GARRE1: variants seen among roughly 807,000 people sequenced by gnomAD.
GARRE1 encodes granule associated Rac and RHOG effector protein 1.
Under a neutral mutation model 103.2 loss-of-function variants are expected in GARRE1, and 49 were observed. The observed-to-expected ratio is 0.47, with a 90% CI of 0.38 to 0.60. The LOEUF (loss-of-function observed/expected upper bound fraction) is 0.60. Ranked by LOEUF, GARRE1 falls within the 20% of genes least tolerant of loss-of-function variation. GARRE1 has a pLI of 0.00. For synonymous variants in GARRE1, 505 were observed against 532.8 expected (o/e 0.95, Z 0.72); for missense variants, 1,199 against 1,370.5 (o/e 0.87, Z 1.98).
At chr19:34,321,259 G>A (rs868466869) in intron 3 of GARRE1, among the ~76,000 whole-genome samples, 12 of 71,118 alleles carry the variant, frequency 1.7e-4, no homozygotes, top group African/African-American at 5.0e-4. Flanking sequence ...TGTATTTTTA[G>A]TAGAGACAGG....
In GARRE1 at chr19:34,354,693, T is replaced by A. The variant is rs907206549; in HGVS notation, c.*1738T>A. On this transcript the variant is annotated 3_prime_UTR_variant, in exon 14 of 14. Coordinates refer to ENST00000299505, the MANE Select transcript of GARRE1 (RefSeq NM_014686.5). ...TCTCAACAAGAAAAAAAAAAAAGAA[T>A]ATATATATATGTATGTATGTATGTA... 5 of 151,838 alleles carry A rather than the reference T, an allele frequency of 3.3e-5. No individual in the cohort carries two copies. The highest frequency in any genetic ancestry group is 1.2e-4 in the African/African-American group (5 of 41,230). 9.4% of individuals were successfully genotyped at this position (151,838 alleles called of 1,614,324 possible). A position where few individuals can be genotyped will look rare whatever the true frequency, so the allele number is the denominator to read the frequency against.
chr19:34,261,423 T>A (rs1294976421), intron 1 of GARRE1, among the ~76,000 whole-genome samples: 145 of 152,306 alleles, frequency 9.5e-4, no homozygotes, highest in African/African-American at 3.5e-3. Context: ...TGAGCTTAGA[T>A]AGCCTAAATA....
At chr19:34,257,159 C>T (rs1207381690) in intron 1 of GARRE1, among the ~76,000 whole-genome samples, 1 of 57,788 alleles carries the variant, frequency 1.7e-5, no homozygotes, top group African/African-American at 7.0e-5. Flanking sequence ...TTTTAAGCAT[C>T]CTTTTTTTTT....
chr19:34,341,649 G>C lies in GARRE1; in HGVS notation c.1715G>C (p.Gly572Ala), dbSNP rs189296760. The change falls in exon 10 of 14, where the codon GGA becomes GCA. Residue 572 changes from glycine (G) to alanine (A), a missense_variant. By Grantham distance (60) the Gly-to-Ala change is moderately conservative (BLOSUM62 0). Transcript: ENST00000299505. Reference protein sequence around the residue: ...NTPSKNIFIAGCSEEKAKMPG... With the variant: ...NTPSKNIFIAACSEEKAKMPG... ...CCTTCCAAAAACATCTTCATAGCTG[G>C]ATGTTCCGAAGAGAAGGCCAAAATG... 1.6e-4 allele frequency: 254 copies of C among 1,614,120 alleles called. No individual in the cohort carries two copies. The highest frequency in any genetic ancestry group is 2.0e-4 in the Non-Finnish European group (233 of 1,180,010).
At chr19:34,255,553 A>G (rs1320093537) in intron 1 of GARRE1, among the ~76,000 whole-genome samples, 3 of 152,146 alleles carry the variant, frequency 2.0e-5, no homozygotes, top group Admixed American at 6.5e-5. Flanking sequence ...ATAAATACAG[A>G]TAGGTATTGT....
At chr19:34,307,505 A>C (rs924603766) in intron 2 of GARRE1, among the ~76,000 whole-genome samples, 3 of 150,514 alleles carry the variant, frequency 2.0e-5, no homozygotes, top group African/African-American at 7.3e-5. Context: ...AAGCAGCCAG[A>C]CTTATATGTA....
intron 10 of GARRE1, among the ~76,000 whole-genome samples, chr19:34,346,816 C>T (rs1456037252): frequency 6.6e-6 from 1 of 152,124 alleles, no homozygotes; most frequent in Non-Finnish European, 1.5e-5. Context: ...CGGGGTTTCA[C>T]CATGTTGGCC....
Position 34,341,908 on chromosome 19 carries a change from G to A in GARRE1, c.1974G>A (p.Met658Ile). The change falls in exon 10 of 14, where the codon ATG (methionine) becomes ATA (isoleucine). Residue 658 changes from methionine (M) to isoleucine (I), a missense_variant. Transcript: ENST00000299505. The part of the protein sequence containing the change: ...EVIDFLSGFN[M>I]GQSHQGSPLV... Reference sequence around the variant, plus strand: ...TAGATTTTCTCTCGGGCTTTAACATGGGCCAGTCACATCAGGGCTCTCCGT... The same window carrying A: ...TAGATTTTCTCTCGGGCTTTAACATAGGCCAGTCACATCAGGGCTCTCCGT... The A allele has an allele frequency of 6.2e-7, 1 of 1,614,128 alleles. No individual in the cohort carries two copies. Among genetic ancestry groups the A allele is most frequent in the Non-Finnish European group, 8.5e-7 (1 of 1,180,018 alleles).
intron 1 of GARRE1, among the ~76,000 whole-genome samples, chr19:34,290,817 A>C (rs1289311435): frequency 4.0e-5 from 6 of 148,562 alleles, no homozygotes; most frequent in Non-Finnish European, 4.4e-5. Context: ...TAAAGTTATA[A>C]AGAAATTTGG....
chr19:34,341,468 T>G lies in GARRE1; in HGVS notation c.1534T>G (p.Cys512Gly), dbSNP rs1024461898. Residue 512 changes from cysteine (C) to glycine (G), a missense_variant, in exon 10 of 14, where the codon TGT (cysteine) becomes GGT (glycine). Coordinates refer to ENST00000299505, the MANE Select transcript of GARRE1 (RefSeq NM_014686.5). ...CIQIQLQREI[C>G]DFGNQADLPS... ...ACAGATCCAGCTGCAAAGGGAGATCTGTGATTTTGGCAACCAGGCTGACCT... is the reference window on the plus strand; with the variant it reads ...ACAGATCCAGCTGCAAAGGGAGATCGGTGATTTTGGCAACCAGGCTGACCT... The G allele has an allele frequency of 3.1e-6, 5 of 1,613,988 alleles. No homozygotes were observed. The highest frequency in any genetic ancestry group is 1.1e-5 in the South Asian group (1 of 91,082).
At position 34,352,925 on chromosome 19, in the gene GARRE1, G is replaced by A; in HGVS notation, c.3183G>A (p.Glu1061=). The part of the protein sequence containing the change: ...KGFKAFPGKG[E]RRPAYLPQY ...TCAAGGCCTTCCCTGGGAAGGGTGA[G>A]CGCAGGCCAGCCTATCTGCCCCAGT... The change falls in exon 14 of 14, where the codon GAG becomes GAA. Residue 1061 remains glutamate, a synonymous_variant. Transcript: ENST00000299505. The A allele has an allele frequency of 4.5e-6, 7 of 1,564,156 alleles. No homozygotes were observed. Among genetic ancestry groups the A allele is most frequent in the Non-Finnish European group, 5.2e-6 (6 of 1,154,852 alleles).
intron 1 of GARRE1, among the ~76,000 whole-genome samples, chr19:34,258,634 T>C (rs923727945): frequency 6.6e-6 from 1 of 151,354 alleles, no homozygotes; most frequent in African/African-American, 2.4e-5. Context: ...AAAAAAATAT[T>C]AAAAAATTAG....
Position 34,325,839 on chromosome 19 carries a change from C to T in GARRE1, c.706-1582C>T, listed in dbSNP as rs1256605995. On this transcript the variant is annotated intron_variant, in intron 3 of 13. Coordinates refer to ENST00000299505, the MANE Select transcript of GARRE1 (RefSeq NM_014686.5). Reference sequence around the variant, plus strand: ...TTTCTTTGTTACCTTGGATCCTCGGCCTGTTTCACGGACCCGTCTGTAGGT... The same window carrying T: ...TTTCTTTGTTACCTTGGATCCTCGGTCTGTTTCACGGACCCGTCTGTAGGT... Among the ~76,000 whole-genome samples, 3 of 152,122 alleles carry T rather than the reference C, an allele frequency of 2.0e-5. No homozygotes were observed. In the East Asian group the frequency reaches 5.8e-4, roughly 29 times the overall value.
At chr19:34,347,586 C>G in intron 10 of GARRE1, among the ~76,000 whole-genome samples, 1 of 152,166 alleles carries the variant, frequency 6.6e-6, no homozygotes, top group Non-Finnish European at 1.5e-5. Flanking sequence ...GTAGGGAAAT[C>G]AAACCATTTT....
chr19:34,279,984 CAAAA>C (rs34044474), intron 1 of GARRE1, among the ~76,000 whole-genome samples: 3 of 67,900 alleles, frequency 4.4e-5, no homozygotes, highest in Non-Finnish European at 6.3e-5. Context: ...GACTCCGTCT[CAAAA>C]AAAAAAAAAA....
chr19:34,321,314 G>A (rs1329459116), intron 3 of GARRE1, among the ~76,000 whole-genome samples: 2 of 142,828 alleles, frequency 1.4e-5, no homozygotes, highest in African/African-American at 2.6e-5. Context: ...TTGACCTCGT[G>A]ATCTGCCTGC....
At chr19:34,348,310 G>A (rs1354918491) in intron 11 of GARRE1, 1 of 309,064 alleles carries the variant, frequency 3.2e-6, no homozygotes, top group Non-Finnish European at 5.9e-6. Flanking sequence ...CCCTAGACAA[G>A]GCTCTTACAT....
At chr19:34,346,626 CTTT>C (rs1360511045) in intron 10 of GARRE1, among the ~76,000 whole-genome samples, 1 of 152,030 alleles carries the variant, frequency 6.6e-6, no homozygotes. Context: ...AGACAATGGA[CTTT>C]TTTTGAGTTG....
chr19:34,276,200 C>T (rs1048150927), intron 1 of GARRE1, among the ~76,000 whole-genome samples: 15 of 152,018 alleles, frequency 9.9e-5, no homozygotes, highest in East Asian at 1.9e-4. Flanking sequence ...TGCGCCACCA[C>T]GCCCAGCTAA....
Sources: gnomAD v4.1 joint callset for allele counts (sites outside exome capture counted in the v4.1 genomes callset) on GRCh38, gnomAD v4.1.1 for gene constraint, MANE v1.5 for transcripts, NCBI Gene and HGNC (gene_info 2026-07-23, HGNC 2026-07-21) for gene names.